The following NCAM2 variants were observed in gnomAD, a reference collection of about 807,000 sequenced individuals.
NCAM2 encodes the protein neural cell adhesion molecule 2.
NCAM2 carries 30 observed loss-of-function variants against 98.1 expected under a neutral mutation model. The observed-to-expected ratio is 0.31, with a 90% CI of 0.23 to 0.41. The LOEUF (loss-of-function observed/expected upper bound fraction) is 0.41, where lower values mean the gene tolerates loss of function less well. NCAM2 is among the 10% of genes least tolerant of loss of function. The pLI, the probability that NCAM2 is intolerant of heterozygous loss-of-function variation, is 1.00. For missense variants in NCAM2, 867 were observed against 1,005.8 expected (o/e 0.86, Z 1.87); for synonymous variants, 368 against 342.4 (o/e 1.07, Z -0.83).
chr21:21,025,171 C>T (rs572437290), intron 1 of NCAM2, among the ~76,000 whole-genome samples: 16 of 151,968 alleles, frequency 1.1e-4, no homozygotes, highest in South Asian at 2.1e-4. Context: ...CTGCAAGCTC[C>T]GCCTCCCGGG....
chr21:21,173,932 G>GT lies in NCAM2; in HGVS notation c.56-106638dup, dbSNP rs200171977. Among the ~76,000 whole-genome samples, 632 of 151,540 alleles carry GT rather than the reference G, an allele frequency of 4.2e-3. 8 individuals carry two copies. Among genetic ancestry groups the GT allele is most frequent in the African/African-American group, 0.014 (579 of 41,382 alleles). ...AAAATTAGAGGTTTAAATAAAACCT[G>GT]TTTTTTTTGAGATGGAGTTTTGCTC... On this transcript the variant is annotated intron_variant, in intron 1 of 17. Transcript: ENST00000400546.
intron 1 of NCAM2, among the ~76,000 whole-genome samples, chr21:21,061,436 T>C (rs2065319209): frequency 6.6e-6 from 1 of 152,164 alleles, no homozygotes; most frequent in African/African-American, 2.4e-5. Flanking sequence ...CATTTTATAC[T>C]ATCAGTCTTG....
intron 5 of NCAM2, among the ~76,000 whole-genome samples, chr21:21,295,897 T>C (rs1301759047): frequency 1.3e-5 from 2 of 151,824 alleles, no homozygotes; most frequent in African/African-American, 2.4e-5. Flanking sequence ...GACCTAGGTG[T>C]ACTTTTGAAA....
At chr21:21,133,453 T>A (rs2066976782) in intron 1 of NCAM2, among the ~76,000 whole-genome samples, 1 of 152,204 alleles carries the variant, frequency 6.6e-6, no homozygotes, top group Non-Finnish European at 1.5e-5. Flanking sequence ...CCACTCCTAA[T>A]TCATTAGCCA....
At chr21:21,418,411 G>A in intron 10 of NCAM2, 62 bp from the exon 11 acceptor site, 1 of 1,229,366 alleles carries the variant, frequency 8.1e-7, no homozygotes, top group Non-Finnish European at 1.2e-6. Flanking sequence ...TCATACTGGG[G>A]TTTATTATAA....
rs373680365 is a variant in NCAM2 at position 21,313,462 on chromosome 21, T to C, written c.620-10921T>C. 2.6e-5 allele frequency among the ~76,000 whole-genome samples: 4 copies of C among 151,968 alleles called. No homozygotes were observed. In the South Asian group the frequency reaches 6.2e-4, roughly 24 times the overall value. On this transcript the variant is annotated intron_variant, in intron 5 of 17. Coordinates refer to ENST00000400546, the MANE Select transcript of NCAM2 (RefSeq NM_004540.5). Reference sequence around the variant, plus strand: ...ATTATGTAATATTCTATTTTACATCTTTTAATTTCATTTGTTCTGAAACCT... The same window carrying C: ...ATTATGTAATATTCTATTTTACATCCTTTAATTTCATTTGTTCTGAAACCT...
intron 5 of NCAM2, among the ~76,000 whole-genome samples, chr21:21,309,140 C>T (rs1219664499): frequency 6.6e-6 from 1 of 152,102 alleles, no homozygotes; most frequent in Non-Finnish European, 1.5e-5. Context: ...TGTGTACTAT[C>T]ATCTGTTATT....
At chr21:21,245,203 A>G (rs151130839) in intron 1 of NCAM2, among the ~76,000 whole-genome samples, 57 of 152,096 alleles carry the variant, frequency 3.7e-4, no homozygotes, top group African/African-American at 1.3e-3. Flanking sequence ...TTTTTTCTCT[A>G]TATCACTCAT....
intron 12 of NCAM2, among the ~76,000 whole-genome samples, chr21:21,463,405 A>G (rs987008102): frequency 1.3e-5 from 2 of 152,122 alleles, no homozygotes; most frequent in Non-Finnish European, 2.9e-5. Flanking sequence ...GCATTCACGA[A>G]TCAAAAACAA....
intron 1 of NCAM2, among the ~76,000 whole-genome samples, chr21:21,080,883 T>C (rs113990266): frequency 2.0e-5 from 3 of 152,062 alleles, no homozygotes; most frequent in African/African-American, 7.2e-5. Context: ...GAAAGGGAGA[T>C]TGAGGCAAGT....
At chr21:21,330,829 A>C (rs2074654945) in intron 6 of NCAM2, among the ~76,000 whole-genome samples, 1 of 152,072 alleles carries the variant, frequency 6.6e-6, no homozygotes, top group Admixed American at 6.6e-5. Context: ...ACTTTGTTTC[A>C]GTCTTTTTCT....
intron 9 of NCAM2, among the ~76,000 whole-genome samples, chr21:21,385,371 A>AACAC (rs543136137): frequency 0.014 from 1,557 of 110,210 alleles, 31 homozygotes; most frequent in African/African-American, 0.046. Context: ...CACAATGTTA[A>AACAC]ACACACACAC....
intron 1 of NCAM2, among the ~76,000 whole-genome samples, chr21:21,159,711 T>C (rs1772839429): frequency 6.6e-6 from 1 of 152,072 alleles, no homozygotes; most frequent in Non-Finnish European, 1.5e-5. Flanking sequence ...TATGAGTTTC[T>C]CAGTAAGTTT....
Position 21,130,439 on chromosome 21 carries a change from C to T in NCAM2, c.55+131821C>T, listed in dbSNP as rs538329129. Among the ~76,000 whole-genome samples the T allele has an allele frequency of 5.3e-5, 8 of 152,148 alleles. No individual in the cohort carries two copies. In the South Asian group the frequency reaches 1.2e-3, roughly 24 times the overall value. ...AGATGTTGAATAATATATAATGGTA[C>T]GTGCATCAATCTCCCAAACTTTTAT... On this transcript the variant is annotated intron_variant, in intron 1 of 17. Transcript: ENST00000400546.
At chr21:21,024,395 A>G (rs2064498664) in intron 1 of NCAM2, among the ~76,000 whole-genome samples, 1 of 152,180 alleles carries the variant, frequency 6.6e-6, no homozygotes, top group Non-Finnish European at 1.5e-5. Context: ...GGGGGGGAAA[A>G]AACAGAGAAA....
chr21:21,432,986 A>T (rs1017951442), intron 12 of NCAM2, among the ~76,000 whole-genome samples: 3 of 152,190 alleles, frequency 2.0e-5, no homozygotes, highest in Admixed American at 2.0e-4. Flanking sequence ...GGTCTGTTCT[A>T]TGAGGATCCT....
intron 15 of NCAM2, among the ~76,000 whole-genome samples, chr21:21,503,973 T>C (rs969004665): frequency 6.6e-6 from 1 of 151,960 alleles, no homozygotes; most frequent in Non-Finnish European, 1.5e-5. Flanking sequence ...GATAAATAAT[T>C]TACATTGATG....
chr21:21,077,630 A>G (rs2065707235), intron 1 of NCAM2, among the ~76,000 whole-genome samples: 1 of 152,200 alleles, frequency 6.6e-6, no homozygotes, highest in Admixed American at 6.5e-5. Flanking sequence ...CAAAATAAAT[A>G]TTATGTTTCT....
intron 2 of NCAM2, among the ~76,000 whole-genome samples, chr21:21,281,353 A>G (rs1004356586): frequency 6.6e-6 from 1 of 152,130 alleles, no homozygotes; most frequent in Non-Finnish European, 1.5e-5. Flanking sequence ...GGTATGGCAC[A>G]CTGCACTATA....
Sources: gnomAD v4.1 joint callset for allele counts (sites outside exome capture counted in the v4.1 genomes callset) on GRCh38, gnomAD v4.1.1 for gene constraint, MANE v1.5 for transcripts, NCBI Gene and HGNC (gene_info 2026-07-23, HGNC 2026-07-21) for gene names.